The following BEAN1 variants were observed in gnomAD, a reference collection of about 807,000 sequenced individuals.
The protein encoded by BEAN1 is protein BEAN1.
A neutral mutation model predicts 17.7 loss-of-function variants in BEAN1; 17 were observed. The ratio of observed to expected loss-of-function variants is 0.96; its 90% CI spans 0.66 to 1.44. The LOEUF (loss-of-function observed/expected upper bound fraction) is 1.44, where lower values mean the gene tolerates loss of function less well. Ranked by LOEUF, BEAN1 falls within the 40% of genes most tolerant of loss-of-function variation. The pLI, the probability that BEAN1 is intolerant of heterozygous loss-of-function variation, is 0.00. For missense variants in BEAN1, 359 were observed against 374.1 expected (o/e 0.96, Z 0.33); for synonymous variants, 142 against 151.8 (o/e 0.94, Z 0.47).
chr16:66,440,081 T>C (rs965415819), intron 2 of BEAN1, among the ~76,000 whole-genome samples: 2 of 151,406 alleles, frequency 1.3e-5, no homozygotes, highest in Non-Finnish European at 2.9e-5. Flanking sequence ...AACCATTCCA[T>C]GGTTTCCATT....
chr16:66,477,825 A>G, intron 4 of BEAN1, 115 bp downstream of exon 4: 1 of 1,235,186 alleles, frequency 8.1e-7, no homozygotes, highest in South Asian at 1.7e-5. Flanking sequence ...AATGCAGAAA[A>G]CATCTGCTCA....
intron 2 of BEAN1, among the ~76,000 whole-genome samples, chr16:66,461,617 C>A (rs1289901755): frequency 6.7e-6 from 1 of 150,164 alleles, no homozygotes; most frequent in Non-Finnish European, 1.5e-5. Context: ...CACACACAAA[C>A]GCACGCACAT....
At chr16:66,447,079 G>A (rs1389102938) in intron 2 of BEAN1, among the ~76,000 whole-genome samples, 1 of 152,162 alleles carries the variant, frequency 6.6e-6, no homozygotes, top group African/African-American at 2.4e-5. Flanking sequence ...AGATCAGCCT[G>A]GGCAGCATAC....
rs28376213 is a variant in BEAN1, at chr16:66,433,548, G to A, written c.-82-4047G>A. On this transcript the variant is annotated intron_variant, in intron 1 of 4. Transcript: ENST00000536005. ...CTGCCTCCTGTTTCCCTCACCTGGC[G>A]CCCCCTCCACCTTCCTAAAGAGAGA... 0.013 allele frequency among the ~76,000 whole-genome samples: 1,997 copies of A among 152,070 alleles called. 88 individuals are homozygous for A. In the East Asian group the frequency reaches 0.14, roughly 11 times the overall value.
At chr16:66,457,614 C>T (rs756851434) in intron 2 of BEAN1, among the ~76,000 whole-genome samples, 1 of 152,168 alleles carries the variant, frequency 6.6e-6, no homozygotes, top group Non-Finnish European at 1.5e-5. Context: ...CCTGCCCATG[C>T]TCTTCTCTCC....
At chr16:66,494,026 C>G (rs1597062068), downstream of BEAN1, among the ~76,000 whole-genome samples, 1 of 152,132 alleles carries the variant, frequency 6.6e-6, no homozygotes, top group South Asian at 2.1e-4. Flanking sequence ...ATGAGAGCAC[C>G]CCAGCACCCA....
chr16:66,480,293 A>T (rs1410320748), intron 4 of BEAN1, among the ~76,000 whole-genome samples: 1 of 152,094 alleles, frequency 6.6e-6, no homozygotes, highest in Non-Finnish European at 1.5e-5. Flanking sequence ...TGCTCCCTAG[A>T]CAGTGGCCAC....
At chr16:66,435,778 C>T (rs1193824414) in intron 1 of BEAN1, among the ~76,000 whole-genome samples, 1 of 152,302 alleles carries the variant, frequency 6.6e-6, no homozygotes, top group South Asian at 2.1e-4. Flanking sequence ...TGAGCCACCA[C>T]GCCTGGCCAA....
At chr16:66,433,135 G>A (rs1017915347) in intron 1 of BEAN1, among the ~76,000 whole-genome samples, 16 of 151,888 alleles carry the variant, frequency 1.1e-4, no homozygotes, top group Non-Finnish European at 2.1e-4. Context: ...TTGAGATGGA[G>A]TCTCCCTCTG....
At chr16:66,484,301 C>T (rs571301058), downstream of BEAN1, 11 of 330,906 alleles carry the variant, frequency 3.3e-5, no homozygotes, top group East Asian at 3.9e-4. The surrounding 1 kb of genome is among the most constrained non-coding windows in gnomAD (Gnocchi z 4.2). Flanking sequence ...GGTGTCCAGC[C>T]ATGTGCTGCC....
chr16:66,481,216 C>T lies in BEAN1; in HGVS notation c.*291C>T, dbSNP rs142124311. On this transcript the variant is annotated 3_prime_UTR_variant, in exon 5 of 5. Transcript: ENST00000536005. This position sits in a 1 kb window ranked among gnomAD's most constrained non-coding sequence, Gnocchi z 4.1. ...TCTCCTGGCCTCCCGTCCCTCCTCC[C>T]GGCCTGTTTGTTGTGCCTCTGTAGA... The T allele has an allele frequency of 1.2e-5, 5 of 407,550 alleles. No homozygotes were observed. Among genetic ancestry groups the T allele is most frequent in the South Asian group, 1.0e-4 (1 of 9,584 alleles). 25.2% of individuals were successfully genotyped at this position (407,550 alleles called of 1,614,324 possible).
intron 2 of BEAN1, among the ~76,000 whole-genome samples, chr16:66,438,327 T>C (rs1351413527): frequency 1.3e-5 from 2 of 151,124 alleles, no homozygotes; most frequent in African/African-American, 4.9e-5. Flanking sequence ...GAGGTTGCAG[T>C]GAGCCGAGAT....
intron 2 of BEAN1, among the ~76,000 whole-genome samples, chr16:66,439,414 C>A (rs960852605): frequency 6.6e-6 from 1 of 152,186 alleles, no homozygotes; most frequent in Non-Finnish European, 1.5e-5. Flanking sequence ...TGTTCTTGGC[C>A]CTATCTTCTG....
chr16:66,442,624 G>A (rs1039189378), intron 2 of BEAN1, among the ~76,000 whole-genome samples: 1 of 152,176 alleles, frequency 6.6e-6, no homozygotes, highest in Non-Finnish European at 1.5e-5. Flanking sequence ...GTGGGTTCCA[G>A]TGCAACCTGG....
chr16:66,463,727 C>A (rs1567498431), intron 2 of BEAN1, among the ~76,000 whole-genome samples: 1 of 152,164 alleles, frequency 6.6e-6, no homozygotes, highest in African/African-American at 2.4e-5. Context: ...TGACAACTTA[C>A]CCCTATGTTT....
At position 66,469,786 on chromosome 16, in the gene BEAN1, C is replaced by T. The variant is rs899575182; in HGVS notation, c.210C>T (p.His70=). 4 of 1,535,610 alleles carry T rather than the reference C, an allele frequency of 2.6e-6. No individual in the cohort carries two copies. The highest frequency in any genetic ancestry group is 1.7e-4 in the Middle Eastern group (1 of 5,976). Residue 70 remains histidine, a synonymous_variant, in exon 3 of 5, where the codon CAC becomes CAT. Transcript: ENST00000536005. The part of the protein sequence containing the change: ...RRDRQARLQR[H]RHRHHRHHHH... Reference sequence around the variant, plus strand: ...ACAGGCAGGCCCGGCTTCAGCGGCACCGCCACCGCCACCACCGCCACCACC... The same window carrying T: ...ACAGGCAGGCCCGGCTTCAGCGGCATCGCCACCGCCACCACCGCCACCACC...
At chr16:66,490,399 T>TAAAAC in intron 4 of BEAN1, among the ~76,000 whole-genome samples, 1 of 98,188 alleles carries the variant, frequency 1.0e-5, no homozygotes, top group African/African-American at 5.6e-5. Flanking sequence ...TCTGTTTCAA[T>TAAAAC]AAAATAAAAT....
chr16:66,440,198 C>T (rs896518198), intron 2 of BEAN1, among the ~76,000 whole-genome samples: 1 of 142,850 alleles, frequency 7.0e-6, no homozygotes, highest in Non-Finnish European at 1.5e-5. Context: ...GGCACGATCT[C>T]AGCTCACTGC....
intron 2 of BEAN1, among the ~76,000 whole-genome samples, chr16:66,464,771 T>C (rs192295454): frequency 1.7e-3 from 266 of 152,384 alleles, no homozygotes; most frequent in East Asian, 0.01. Context: ...GCAACCTTGC[T>C]GAATTTATTA....
Sources: allele counts gnomAD v4.1 joint callset (sites outside exome capture counted in the v4.1 genomes callset), GRCh38; gene constraint gnomAD v4.1.1; non-coding constraint Gnocchi (gnomAD v3.1); transcripts MANE v1.5; gene names NCBI Gene and HGNC (gene_info 2026-07-23, HGNC 2026-07-21).